Variants in SV2C observed in about 807,000 individuals in gnomAD.
The protein encoded by SV2C is synaptic vesicle glycoprotein 2C.
In SV2C, 49 loss-of-function variants were observed where a neutral mutation model predicts 79.7. The observed-to-expected ratio is 0.61, with a 90% confidence interval of 0.49 to 0.78. The LOEUF (loss-of-function observed/expected upper bound fraction) is 0.78. Ranked by LOEUF, SV2C falls within the 30% of genes least tolerant of loss-of-function variation. The probability of loss-of-function intolerance (pLI) is 0.00; values close to 1 mark genes in which losing one functional copy is unlikely to be tolerated. For synonymous variants in SV2C, 334 were observed against 333.2 expected, an observed-to-expected ratio of 1.00 and a Z score of -0.03; for missense variants, 833 against 912.9, an observed-to-expected ratio of 0.91 and a Z score of 1.13.
chr5:76,313,851 G>GA (rs1236336648), intron 12 of SV2C, among the ~76,000 whole-genome samples: 4 of 152,090 alleles, frequency 2.6e-5, no homozygotes, highest in African/African-American at 9.7e-5. Context: ...CATCATCAGT[G>GA]AAAAAATCAT....
At chr5:76,156,584 G>A (rs1413625771) in intron 2 of SV2C, among the ~76,000 whole-genome samples, 2 of 152,074 alleles carry the variant, frequency 1.3e-5, no homozygotes, top group Middle Eastern at 3.2e-3. Context: ...GCAAACAGGT[G>A]TTGAATTTAA....
intron 1 of SV2C, among the ~76,000 whole-genome samples, chr5:76,114,239 C>T (rs1436312895): frequency 6.6e-6 from 1 of 152,172 alleles, no homozygotes; most frequent in Admixed American, 6.5e-5. Context: ...TACAGCATCC[C>T]TCCCCATCCC....
Position 76,242,134 on chromosome 5 carries a change from C to T in SV2C, c.913+32247C>T, listed in dbSNP as rs1260365897. 2.9e-6 allele frequency: 4 copies of T among 1,390,528 alleles called. No individual in the cohort carries two copies. The East Asian group carries it at 9.1e-5, about 32-fold the overall frequency. The allele number at this position is 1,390,528 out of a possible 1,614,324, so 86.1% of individuals were successfully genotyped here. On this transcript the variant is annotated intron_variant, in intron 4 of 12. Transcript: ENST00000502798. The stretch of plus-strand genomic sequence containing the variant: ...CCAGCATCAGCTTTTCCCTTTTTCC[C>T]TTTGGGTACCTTCTCTCCCTTCTTT...
In SV2C at chr5:76,284,669, G is replaced by A. The variant is rs546042626; in HGVS notation, c.914-493G>A. Among the ~76,000 whole-genome samples, 5 of 152,304 alleles carry A rather than the reference G, an allele frequency of 3.3e-5. No homozygotes were observed. The South Asian group carries it at 1.0e-3, about 32-fold the overall frequency. ...CCAGCCAGTCAGGGGGAAGGGAGAA[G>A]GGAAGCAAGGGAAATAATATCCCAA... On this transcript the variant is annotated intron_variant, in intron 4 of 12. Coordinates refer to ENST00000502798, the MANE Select transcript of SV2C (RefSeq NM_014979.4).
chr5:76,077,279 G>A, the SV2C span, among the ~76,000 whole-genome samples: 40 of 152,204 alleles, frequency 2.6e-4, no homozygotes, highest in Admixed American at 8.5e-4. Flanking sequence ...TAACGGGAAC[G>A]AAATCAGTAA....
At chr5:75,868,036 C>T in the SV2C span, among the ~76,000 whole-genome samples, 1 of 152,098 alleles carries the variant, frequency 6.6e-6, no homozygotes, top group Non-Finnish European at 1.5e-5. Context: ...CAGAAATAAG[C>T]ACAGGATATG....
intron 12 of SV2C, among the ~76,000 whole-genome samples, chr5:76,345,178 G>A (rs541745209): frequency 5.9e-5 from 9 of 152,320 alleles, no homozygotes; most frequent in Admixed American, 5.2e-4. Context: ...AGTTTATCAC[G>A]TGCCAGTTCT....
intron 1 of SV2C, among the ~76,000 whole-genome samples, chr5:76,130,568 T>A (rs1449449772): frequency 2.0e-5 from 3 of 152,210 alleles, no homozygotes; most frequent in Admixed American, 2.0e-4. Flanking sequence ...AAGACTTTTT[T>A]AACCTCTGTT....
At chr5:76,336,948 A>G (rs1175170205), downstream of SV2C, among the ~76,000 whole-genome samples, 1 of 152,202 alleles carries the variant, frequency 6.6e-6, no homozygotes, top group Non-Finnish European at 1.5e-5. Context: ...CAGGCCTGGC[A>G]TGGACCAGTG....
the SV2C span, among the ~76,000 whole-genome samples, chr5:75,984,563 A>G: frequency 1.4e-3 from 70 of 50,058 alleles, no homozygotes; most frequent in African/African-American, 3.9e-3. Flanking sequence ...CTATCTATCT[A>G]TCTATATCTA....
chr5:76,248,559 A>G (rs1367102911), intron 4 of SV2C, among the ~76,000 whole-genome samples: 2 of 151,988 alleles, frequency 1.3e-5, no homozygotes, highest in Admixed American at 6.6e-5. Flanking sequence ...GAGGGGACTA[A>G]GTTCAGCCCA....
the SV2C span, among the ~76,000 whole-genome samples, chr5:76,024,869 G>T: frequency 2.0e-5 from 3 of 152,196 alleles, no homozygotes; most frequent in Non-Finnish European, 4.4e-5. Flanking sequence ...CTGCTTGTAA[G>T]TGGGCCCACA....
chr5:75,948,802 G>T, the SV2C span, among the ~76,000 whole-genome samples: 1 of 151,978 alleles, frequency 6.6e-6, no homozygotes, highest in African/African-American at 2.4e-5. Flanking sequence ...TGGGCTGTGG[G>T]GAGATAGGAA....
At chr5:76,257,365 T>G (rs1264630931) in intron 4 of SV2C, among the ~76,000 whole-genome samples, 2 of 150,786 alleles carry the variant, frequency 1.3e-5, no homozygotes, top group African/African-American at 4.9e-5. Context: ...CATGGTTGTA[T>G]GTGTTGGGGT....
At chr5:75,934,072 G>A in the SV2C span, among the ~76,000 whole-genome samples, 2 of 152,084 alleles carry the variant, frequency 1.3e-5, no homozygotes, top group African/African-American at 4.8e-5. Flanking sequence ...ATTATATGGA[G>A]AATTTACTAC....
chr5:76,347,838 G>A (rs1395185638), intron 12 of SV2C, among the ~76,000 whole-genome samples: 1 of 152,120 alleles, frequency 6.6e-6, no homozygotes, highest in Non-Finnish European at 1.5e-5. Context: ...AATATCCCCT[G>A]CCCTGATACA....
chr5:76,084,334 G>C (rs1378363999), intron 1 of SV2C: 2 of 152,344 alleles, frequency 1.3e-5, no homozygotes, highest in Non-Finnish European at 2.9e-5. Flanking sequence ...ATGGCGATGA[G>C]GGCAGCAAAA....
In SV2C at chr5:76,137,090, G is replaced by T. The variant is rs547659866; in HGVS notation, c.580+4760G>T. On this transcript the variant is annotated intron_variant, in intron 2 of 12. Coordinates refer to ENST00000502798, the MANE Select transcript of SV2C (RefSeq NM_014979.4). ...TTGCAAGTAATTTAAATTTCTCTGT[G>T]CCTCGGTTTTCATAGCTGTACGTTG... Among the ~76,000 whole-genome samples, 148 of 152,278 alleles carry T rather than the reference G, an allele frequency of 9.7e-4. No homozygotes were observed. In the Middle Eastern group the frequency reaches 0.01, roughly 10 times the overall value.
chr5:76,178,552 T>C (rs910456890), intron 2 of SV2C, among the ~76,000 whole-genome samples: 2 of 152,204 alleles, frequency 1.3e-5, no homozygotes, highest in African/African-American at 4.8e-5. Context: ...CATTTAAAAA[T>C]AATGATTGCA....
Sources: allele counts gnomAD v4.1 joint callset (sites outside exome capture counted in the v4.1 genomes callset), GRCh38; gene constraint gnomAD v4.1.1; transcripts MANE v1.5; gene names NCBI Gene and HGNC (gene_info 2026-07-23, HGNC 2026-07-21).